KDM1A: variants seen among roughly 807,000 people sequenced by gnomAD.
KDM1A encodes the protein lysine-specific histone demethylase 1A.
A neutral mutation model predicts 109.4 loss-of-function variants in KDM1A; 49 were observed. The observed-to-expected ratio is 0.45, with a 90% CI of 0.36 to 0.57. The LOEUF (loss-of-function observed/expected upper bound fraction) is 0.57. KDM1A is among the 20% of genes least tolerant of loss of function. The pLI, the probability that KDM1A is intolerant of heterozygous loss-of-function variation, is 0.00. For missense variants in KDM1A, 668 were observed against 1,116.6 expected, an observed-to-expected ratio of 0.60 and a Z score of 5.73; for synonymous variants, 380 against 415.4, an observed-to-expected ratio of 0.91 and a Z score of 1.04.
Position 23,083,095 on chromosome 1 carries a change from A to G in KDM1A, c.2446-84A>G, listed in dbSNP as rs1308357206. 7.6e-6 allele frequency: 10 copies of G among 1,307,336 alleles called. No individual in the cohort carries two copies. The Admixed American group carries it at 8.0e-5, about 11-fold the overall frequency. 81.0% of individuals were successfully genotyped at this position (1,307,336 alleles called of 1,614,324 possible). On this transcript the variant is annotated intron_variant, in intron 20 of 20. Coordinates refer to ENST00000400181, the MANE Select transcript of KDM1A (RefSeq NM_001009999.3). ...GGGGTCAGCCTTTAAAAAGGTCAAC[A>G]GCAATTTAAGTACTTAGCAATTTAA...
chr1:23,033,889 A>G (rs980226837), intron 2 of KDM1A, among the ~76,000 whole-genome samples: 2 of 152,154 alleles, frequency 1.3e-5, no homozygotes, highest in African/African-American at 4.8e-5. Context: ...GACCAATCTC[A>G]TGCTAAGCGT....
intron 2 of KDM1A, among the ~76,000 whole-genome samples, chr1:23,034,474 C>T (rs1057459620): frequency 2.0e-5 from 3 of 152,176 alleles, no homozygotes; most frequent in Non-Finnish European, 4.4e-5. Flanking sequence ...GTAAAGTACC[C>T]TTCTGTTTAT....
intron 4 of KDM1A, among the ~76,000 whole-genome samples, chr1:23,051,157 G>C (rs1642658330): frequency 6.6e-6 from 1 of 152,132 alleles, no homozygotes. Context: ...CCTCTGAAGA[G>C]AAATCTTTAC....
Position 23,030,990 on chromosome 1 carries a change from A to G in KDM1A, c.517+356A>G, listed in dbSNP as rs78636248. On this transcript the variant is annotated intron_variant, in intron 2 of 20. Coordinates refer to ENST00000400181, the MANE Select transcript of KDM1A (RefSeq NM_001009999.3). ...CAGAAAGCCATATCCAAAGCACCAGACCTCTCAATGACAGTTCTGATTCAG... is the reference window on the plus strand; with the variant it reads ...CAGAAAGCCATATCCAAAGCACCAGGCCTCTCAATGACAGTTCTGATTCAG... 6.0e-3 allele frequency among the ~76,000 whole-genome samples: 916 copies of G among 152,242 alleles called. 9 individuals are homozygous for G. Among genetic ancestry groups the G allele is most frequent in the African/African-American group, 0.02 (837 of 41,508 alleles).
chr1:23,053,663 G>A, intron 4 of KDM1A, 98 bp from the exon 5 acceptor site: 1 of 799,232 alleles, frequency 1.3e-6, no homozygotes, highest in South Asian at 1.5e-5. Flanking sequence ...TGGGATTATA[G>A]GTGTGAGCCA....
chr1:23,076,765 C>T (rs1484244340), intron 15 of KDM1A, among the ~76,000 whole-genome samples: 1 of 151,954 alleles, frequency 6.6e-6, no homozygotes, highest in African/African-American at 2.4e-5. Flanking sequence ...AGTTTGAGAC[C>T]AGCCTAGCCA....
chr1:23,059,236 T>A, intron 9 of KDM1A, 69 bp downstream of exon 9: 1 of 1,094,176 alleles, frequency 9.1e-7, no homozygotes, highest in Non-Finnish European at 1.4e-6. Flanking sequence ...AGGAGAATGG[T>A]ATGGATGAGC....
chr1:23,047,921 AC>A (rs1338944949), intron 3 of KDM1A, among the ~76,000 whole-genome samples: 1,812 of 151,634 alleles, frequency 0.012, 41 homozygotes, highest in African/African-American at 0.041. Flanking sequence ...AAAAAAAAAA[AC>A]ATCTGTAGTG....
chr1:23,082,944 C>T lies in KDM1A; in HGVS notation c.2446-235C>T, dbSNP rs1643665231. On this transcript the variant is annotated intron_variant, in intron 20 of 20. Transcript: ENST00000400181. ...CTGGGTATCTAAACTGATGAGAACA[C>T]ATGTTAAGCATCACTTTAGGACTGA... The T allele has an allele frequency of 9.4e-6, 4 of 425,040 alleles. No homozygotes were observed. In the South Asian group the frequency reaches 1.5e-4, roughly 16 times the overall value. 26.3% of individuals were successfully genotyped at this position (425,040 alleles called of 1,614,324 possible).
rs796579346 is a variant in KDM1A, at chr1:23,063,219, TGG to T, written c.1168-2839_1168-2838del. 1.7e-3 allele frequency among the ~76,000 whole-genome samples: 47 copies of T among 27,436 alleles called. 2 individuals are homozygous for T. Among genetic ancestry groups the T allele is most frequent in the Admixed American group, 5.3e-3 (13 of 2,432 alleles). The allele number at this position is 27,436 out of a possible 152,430, so 18.0% of individuals were successfully genotyped here. On this transcript the variant is annotated intron_variant, in intron 9 of 20. Coordinates refer to ENST00000400181, the MANE Select transcript of KDM1A (RefSeq NM_001009999.3). Reference sequence around the variant, plus strand: ...ATTGGGGGGGGGGTGTGGTGTGGGGTGGGTGTGTGTGGGTGTGTGTGTGTGTG... The same window carrying T: ...ATTGGGGGGGGGGTGTGGTGTGGGGTGTGTGTGTGGGTGTGTGTGTGTGTG...
At chr1:23,020,022 C>A in intron 1 of KDM1A, 75 bp downstream of exon 1, 1 of 1,377,564 alleles carries the variant, frequency 7.3e-7, no homozygotes, top group South Asian at 1.6e-5. Flanking sequence ...CCTCCCCCGC[C>A]GCCGCCGGGT....
At chr1:23,082,924 T>G in intron 20 of KDM1A, 1 of 345,288 alleles carries the variant, frequency 2.9e-6, no homozygotes, top group South Asian at 5.5e-5. Context: ...TACAACTGGG[T>G]ATCTAAACTG....
chr1:23,050,945 C>T (rs1397910357), intron 4 of KDM1A, among the ~76,000 whole-genome samples: 1 of 152,068 alleles, frequency 6.6e-6, no homozygotes, highest in East Asian at 1.9e-4. Context: ...ATTATCTGGG[C>T]ATGGTGGCAG....
intron 3 of KDM1A, among the ~76,000 whole-genome samples, chr1:23,049,152 CAAAAAAAAA>C (rs5773034): frequency 6.6e-5 from 5 of 75,254 alleles, no homozygotes; most frequent in African/African-American, 2.1e-4. Flanking sequence ...GACTCCCTCT[CAAAAAAAAA>C]AAAAAAAAAA....
intron 2 of KDM1A, among the ~76,000 whole-genome samples, chr1:23,036,523 A>G (rs1216031319): frequency 6.9e-6 from 1 of 144,466 alleles, no homozygotes; most frequent in African/African-American, 2.6e-5. Flanking sequence ...CCTATGCTCC[A>G]AAATACCTTA....
At chr1:23,052,879 T>C (rs551641206) in intron 4 of KDM1A, among the ~76,000 whole-genome samples, 6 of 152,336 alleles carry the variant, frequency 3.9e-5, no homozygotes, top group Admixed American at 2.0e-4. Context: ...TCAATGCATT[T>C]GACTTCAGTT....
rs895313216 is a variant in KDM1A at position 23,080,717 on chromosome 1, C to G, written c.2171-729C>G. On this transcript the variant is annotated intron_variant, in intron 18 of 20. Transcript: ENST00000400181. ...CTGGGGGTGCTGCTTCTCCCACCCCCTCGACCCCCTTCCTTCCCAACCTGT... is the reference window on the plus strand; with the variant it reads ...CTGGGGGTGCTGCTTCTCCCACCCCGTCGACCCCCTTCCTTCCCAACCTGT... Among the ~76,000 whole-genome samples the G allele has an allele frequency of 7.9e-5, 12 of 152,300 alleles. No homozygotes were observed. In the East Asian group the frequency reaches 1.5e-3, roughly 20 times the overall value.
chr1:23,059,954 C>T (rs969500164), intron 9 of KDM1A, among the ~76,000 whole-genome samples: 4 of 152,104 alleles, frequency 2.6e-5, no homozygotes, highest in African/African-American at 9.7e-5. Context: ...GATCCCAACT[C>T]GTGAATTTTG....
At chr1:23,058,526 T>G (rs1477614100) in intron 8 of KDM1A, among the ~76,000 whole-genome samples, 1 of 152,210 alleles carries the variant, frequency 6.6e-6, no homozygotes, top group African/African-American at 2.4e-5. Flanking sequence ...TTGTTTGTTT[T>G]TAATAGAAAC....
Sources: allele counts gnomAD v4.1 joint callset (sites outside exome capture counted in the v4.1 genomes callset), GRCh38; gene constraint gnomAD v4.1.1; transcripts MANE v1.5; gene names NCBI Gene and HGNC (gene_info 2026-07-23, HGNC 2026-07-21).